Variants in CACNB2 observed in about 807,000 individuals in gnomAD.
CACNB2 encodes the protein calcium voltage-gated channel auxiliary subunit beta 2.
CACNB2 carries 42 observed loss-of-function variants against 73.3 expected under a neutral mutation model. That is an observed-to-expected ratio of 0.57 (90% CI 0.45 to 0.74). CACNB2 has a LOEUF of 0.74. Ranked by LOEUF, CACNB2 falls within the 30% of genes least tolerant of loss-of-function variation. The pLI is 0.00. For synonymous variants in CACNB2, 348 were observed against 310.3 expected (o/e 1.12, Z -1.28); for missense variants, 940 against 853.0 (o/e 1.10, Z -1.27).
chr10:18,348,411 A>C (rs536493720), intron 2 of CACNB2, among the ~76,000 whole-genome samples: 8 of 152,330 alleles, frequency 5.3e-5, no homozygotes, highest in African/African-American at 1.7e-4. Context: ...CAGAGGCCCA[A>C]GGTGGTTATA....
In CACNB2 at chr10:18,230,548, A is replaced by G. The variant is rs533010456; in HGVS notation, c.213+79573A>G. ...CCTTGAGATTTAAAAACCTCAAGAT[A>G]TGTGGTACTAAATAGGAATAAGGAA... On this transcript the variant is annotated intron_variant, in intron 2 of 13. Transcript: ENST00000324631. Among the ~76,000 whole-genome samples, 4 of 152,342 alleles carry G rather than the reference A, an allele frequency of 2.6e-5. No individual in the cohort carries two copies. In the South Asian group the frequency reaches 8.3e-4, roughly 32 times the overall value.
At chr10:18,367,238 C>T (rs535267092) in intron 2 of CACNB2, among the ~76,000 whole-genome samples, 27 of 151,310 alleles carry the variant, frequency 1.8e-4, no homozygotes, top group African/African-American at 5.8e-4. Flanking sequence ...GGGACTAGCA[C>T]AAATGTTGAA....
intron 2 of CACNB2, among the ~76,000 whole-genome samples, chr10:18,311,536 G>A (rs2039965947): frequency 6.6e-6 from 1 of 152,128 alleles, no homozygotes; most frequent in Non-Finnish European, 1.5e-5. Context: ...GTTAACACAT[G>A]TGTTGTGTTG....
chr10:18,355,770 G>A (rs2041884042), intron 2 of CACNB2, among the ~76,000 whole-genome samples: 1 of 151,692 alleles, frequency 6.6e-6, no homozygotes, highest in South Asian at 2.1e-4. Context: ...CGAGTAGCTG[G>A]GATTACAGGT....
chr10:18,505,327 T>C (rs1021180148), intron 5 of CACNB2, among the ~76,000 whole-genome samples: 1 of 152,178 alleles, frequency 6.6e-6, no homozygotes, highest in African/African-American at 2.4e-5. Flanking sequence ...ACTGCTTCTA[T>C]AGATATCACT....
chr10:18,467,973 T>G (rs2047988132), intron 3 of CACNB2, among the ~76,000 whole-genome samples: 1 of 152,186 alleles, frequency 6.6e-6, no homozygotes, highest in African/African-American at 2.4e-5. Flanking sequence ...CAAAAAGTGT[T>G]TTTTTGTGAA....
At chr10:18,287,236 C>T (rs938283881) in intron 2 of CACNB2, among the ~76,000 whole-genome samples, 2 of 151,736 alleles carry the variant, frequency 1.3e-5, no homozygotes, top group East Asian at 1.9e-4. Flanking sequence ...GGCTGAGGCA[C>T]GAGAATCACT....
At chr10:18,515,532 A>C (rs2051189694) in intron 7 of CACNB2, among the ~76,000 whole-genome samples, 1 of 152,226 alleles carries the variant, frequency 6.6e-6, no homozygotes, top group Non-Finnish European at 1.5e-5. Context: ...GGAGGAACTC[A>C]AGTCATTAAT....
chr10:18,294,311 A>T lies in CACNB2; in HGVS notation c.214-107613A>T, dbSNP rs145347582. ...GCTTGACAGTGTAGCTCTCTGTGCA[A>T]TGGAAAAGATGATAGCAACCAGCAT... On this transcript the variant is annotated intron_variant, in intron 2 of 13. Coordinates refer to ENST00000324631, the MANE Select transcript of CACNB2 (RefSeq NM_201596.3). 3.3e-3 allele frequency among the ~76,000 whole-genome samples: 508 copies of T among 152,016 alleles called. 5 individuals carry two copies. The highest frequency in any genetic ancestry group is 0.012 in the African/African-American group (478 of 41,418).
intron 2 of CACNB2, chr10:18,400,527 C>A (rs2043938039): frequency 1.0e-6 from 1 of 978,356 alleles, no homozygotes; most frequent in African/African-American, 1.8e-5. Context: ...ATGGAGCATG[C>A]CCAGTGTGGG....
intron 2 of CACNB2, among the ~76,000 whole-genome samples, chr10:18,253,050 C>G (rs1588851996): frequency 6.6e-6 from 1 of 152,306 alleles, no homozygotes; most frequent in East Asian, 1.9e-4. Flanking sequence ...AGTTCTAACT[C>G]TGCCATTGCC....
chr10:18,507,742 C>T (rs532982807), intron 6 of CACNB2, among the ~76,000 whole-genome samples: 1 of 152,196 alleles, frequency 6.6e-6, no homozygotes, highest in Admixed American at 6.5e-5. Context: ...CAAAATGATA[C>T]TGTGTGTGAT....
chr10:18,190,286 G>A (rs949332301), intron 2 of CACNB2, among the ~76,000 whole-genome samples: 2 of 152,122 alleles, frequency 1.3e-5, no homozygotes, highest in African/African-American at 4.8e-5. Flanking sequence ...CAGATACAGA[G>A]GGTTCAAGAA....
chr10:18,156,670 C>T (rs11012833), intron 2 of CACNB2, among the ~76,000 whole-genome samples: 27,828 of 152,006 alleles, frequency 0.18, 2,643 homozygotes, highest in African/African-American at 0.22. Context: ...TTATACAGTA[C>T]ATCAAATATT....
intron 2 of CACNB2, among the ~76,000 whole-genome samples, chr10:18,153,108 C>T (rs1169991659): frequency 6.6e-6 from 1 of 152,004 alleles, no homozygotes; most frequent in Non-Finnish European, 1.5e-5. Context: ...CTTTAAACAC[C>T]ATTATAAGTG....
intron 2 of CACNB2, among the ~76,000 whole-genome samples, chr10:18,315,290 C>T (rs2040120157): frequency 2.6e-5 from 4 of 151,694 alleles, no homozygotes; most frequent in South Asian, 2.1e-4. Flanking sequence ...GCCAAGATCA[C>T]ACCACTGCAC....
intron 2 of CACNB2, among the ~76,000 whole-genome samples, chr10:18,282,073 A>G (rs1377817911): frequency 7.0e-6 from 1 of 143,728 alleles, no homozygotes; most frequent in East Asian, 1.9e-4. Flanking sequence ...TGGAAGATGT[A>G]CCAAAACCTT....
intron 2 of CACNB2, among the ~76,000 whole-genome samples, chr10:18,173,498 C>A (rs1000404047): frequency 9.9e-5 from 15 of 152,112 alleles, no homozygotes; most frequent in Non-Finnish European, 2.2e-4. Context: ...GAGATGTATT[C>A]CTGGTTGAGA....
At chr10:18,497,036 C>A (rs1204148504) in intron 3 of CACNB2, among the ~76,000 whole-genome samples, 1 of 150,612 alleles carries the variant, frequency 6.6e-6, no homozygotes, top group Non-Finnish European at 1.5e-5. Flanking sequence ...CACAGTGAAA[C>A]CCTGTCTCTT....
Sources: allele counts gnomAD v4.1 joint callset (sites outside exome capture counted in the v4.1 genomes callset), GRCh38; gene constraint gnomAD v4.1.1; transcripts MANE v1.5; gene names NCBI Gene and HGNC (gene_info 2026-07-23, HGNC 2026-07-21).